Variants in TBC1D5 observed in about 807,000 individuals in gnomAD.
TBC1D5 encodes the protein TBC1 domain family member 5.
TBC1D5 carries 75 observed loss-of-function variants against 100.3 expected under a neutral mutation model. The observed-to-expected ratio is 0.75, with a 90% CI of 0.62 to 0.91. The LOEUF (loss-of-function observed/expected upper bound fraction) is 0.91, where lower values mean the gene tolerates loss of function less well. TBC1D5 is among the 40% of genes least tolerant of loss of function. The pLI is 0.00. For missense variants in TBC1D5, 910 were observed against 942.4 expected (o/e 0.97, Z 0.45); for synonymous variants, 323 against 325.6 (o/e 0.99, Z 0.09).
intron 2 of TBC1D5, chr3:17,524,449 A>G (rs1041253289): frequency 6.6e-6 from 1 of 152,250 alleles, no homozygotes; most frequent in Non-Finnish European, 1.5e-5. Flanking sequence ...AGCCAAATCT[A>G]TGCAGAAAGA....
chr3:17,375,363 T>A (rs1575586347), intron 10 of TBC1D5, among the ~76,000 whole-genome samples: 1 of 151,574 alleles, frequency 6.6e-6, no homozygotes, highest in Admixed American at 6.6e-5. Context: ...GGTCAAGAGA[T>A]CAAGACCATC....
exon 22 of TBC1D5, chr3:17,160,730 G>A: frequency 1.9e-6 from 1 of 524,268 alleles, no homozygotes. Flanking sequence ...GAGTCGGGTG[G>A]GGATTAGGTA....
At chr3:17,579,141 T>C (rs946553853) in intron 2 of TBC1D5, among the ~76,000 whole-genome samples, 4 of 152,038 alleles carry the variant, frequency 2.6e-5, no homozygotes, top group East Asian at 1.9e-4. Flanking sequence ...AGTGGCATAA[T>C]TGTCAAATCA....
chr3:17,405,798 T>A (rs952548602), intron 5 of TBC1D5, among the ~76,000 whole-genome samples: 1 of 152,088 alleles, frequency 6.6e-6, no homozygotes, highest in African/African-American at 2.4e-5. Flanking sequence ...TAAAAACTTA[T>A]GATAGAATTC....
intron 1 of TBC1D5, among the ~76,000 whole-genome samples, chr3:17,721,261 T>TA (rs2075674882): frequency 6.6e-6 from 1 of 152,182 alleles, no homozygotes; most frequent in African/African-American, 2.4e-5. Context: ...AAACAGTAAT[T>TA]AGAGTTCTCT....
chr3:17,358,103 C>T (rs540919234), intron 13 of TBC1D5, among the ~76,000 whole-genome samples: 30 of 152,270 alleles, frequency 2.0e-4, no homozygotes, highest in African/African-American at 7.2e-4. Context: ...GCTAGAGAAA[C>T]TAGATCTCTG....
intron 1 of TBC1D5, among the ~76,000 whole-genome samples, chr3:17,704,041 T>C (rs1308253683): frequency 5.8e-4 from 83 of 143,806 alleles, no homozygotes; most frequent in Middle Eastern, 3.5e-3. Flanking sequence ...CAAAGGTCTC[T>C]GGTTTTCCTA....
At chr3:17,735,397 T>C (rs2076885651) in intron 1 of TBC1D5, among the ~76,000 whole-genome samples, 1 of 152,170 alleles carries the variant, frequency 6.6e-6, no homozygotes, top group Non-Finnish European at 1.5e-5. Context: ...AATAGCTGAA[T>C]CCATTTCAGT....
At chr3:17,591,189 T>C (rs549186228) in intron 2 of TBC1D5, among the ~76,000 whole-genome samples, 4 of 127,168 alleles carry the variant, frequency 3.1e-5, no homozygotes, top group Non-Finnish European at 6.2e-5. Context: ...TGAGCCGAGA[T>C]TGCGCCACTG....
At chr3:17,656,559 G>T (rs2066082551) in intron 1 of TBC1D5, among the ~76,000 whole-genome samples, 1 of 151,962 alleles carries the variant, frequency 6.6e-6, no homozygotes, top group East Asian at 1.9e-4. Flanking sequence ...TCCCATGAAA[G>T]CCCCTACTTC....
intron 2 of TBC1D5, among the ~76,000 whole-genome samples, chr3:17,587,130 A>C (rs538746303): frequency 2.0e-5 from 3 of 151,870 alleles, no homozygotes; most frequent in Admixed American, 6.6e-5. Context: ...CTAAAGAAAA[A>C]TTTTTTTTCA....
intron 16 of TBC1D5, among the ~76,000 whole-genome samples, chr3:17,255,227 GTCTC>G (rs1342375895): frequency 2.0e-5 from 3 of 152,180 alleles, no homozygotes; most frequent in East Asian, 1.9e-4. Flanking sequence ...TTGAGATGAA[GTCTC>G]TCTCTGTCGC....
At chr3:17,455,374 G>A (rs1443565558) in intron 3 of TBC1D5, among the ~76,000 whole-genome samples, 1 of 143,786 alleles carries the variant, frequency 7.0e-6, no homozygotes, top group East Asian at 2.0e-4. Context: ...GTATATATAT[G>A]TATAAGCCAA....
At chr3:17,424,755 T>C (rs2094298561) in intron 4 of TBC1D5, among the ~76,000 whole-genome samples, 1 of 151,590 alleles carries the variant, frequency 6.6e-6, no homozygotes, top group African/African-American at 2.4e-5. Flanking sequence ...CAAAAGAAGA[T>C]ATAAATCCAA....
intron 3 of TBC1D5, among the ~76,000 whole-genome samples, chr3:17,441,304 C>T (rs1427164229): frequency 6.6e-6 from 1 of 151,880 alleles, no homozygotes; most frequent in Non-Finnish European, 1.5e-5. Flanking sequence ...GGAGAAAACA[C>T]AAGAGAATAA....
At chr3:17,627,997 T>C (rs1238410908) in intron 1 of TBC1D5, among the ~76,000 whole-genome samples, 1 of 152,188 alleles carries the variant, frequency 6.6e-6, no homozygotes, top group African/African-American at 2.4e-5. Context: ...TTATACACTA[T>C]ATTTTTATAT....
At chr3:17,245,419 T>C (rs2076654540) in intron 16 of TBC1D5, among the ~76,000 whole-genome samples, 1 of 152,226 alleles carries the variant, frequency 6.6e-6, no homozygotes, top group Non-Finnish European at 1.5e-5. Context: ...AACTAAATGA[T>C]GAAGGTTAGC....
At chr3:17,608,732 T>C (rs538936766) in intron 2 of TBC1D5, among the ~76,000 whole-genome samples, 1 of 152,282 alleles carries the variant, frequency 6.6e-6, no homozygotes, top group South Asian at 2.1e-4. Flanking sequence ...ATTGCTTCTG[T>C]AATTACAATA....
chr3:17,235,414 C>T (rs927301892), intron 17 of TBC1D5, among the ~76,000 whole-genome samples: 1 of 152,184 alleles, frequency 6.6e-6, no homozygotes, highest in East Asian at 1.9e-4. Context: ...CATTATCTTT[C>T]CTCAAAGGCA....
Sources: gnomAD v4.1 joint callset for allele counts (sites outside exome capture counted in the v4.1 genomes callset) on GRCh38, gnomAD v4.1.1 for gene constraint, MANE v1.5 for transcripts, NCBI Gene and HGNC (gene_info 2026-07-23, HGNC 2026-07-21) for gene names.